The following SNX27 variants were observed in gnomAD, a reference collection of about 807,000 sequenced individuals.
SNX27 encodes sorting nexin-27.
A neutral mutation model predicts 71.6 loss-of-function variants in SNX27; 22 were observed. The observed-to-expected ratio is 0.31, with a 90% confidence interval of 0.22 to 0.44. The LOEUF is 0.44. Ranked by LOEUF, SNX27 falls within the 20% of genes least tolerant of loss-of-function variation. The pLI is 1.00. For missense variants in SNX27, 531 were observed against 698.6 expected (o/e 0.76, Z 2.70); for synonymous variants, 269 against 277.2 (o/e 0.97, Z 0.29).
At position 151,694,752 on chromosome 1, in the gene SNX27, A is replaced by T. The variant is rs975514887; in HGVS notation, c.*335A>T. 2 of 229,588 alleles carry T rather than the reference A, an allele frequency of 8.7e-6. No individual in the cohort carries two copies. The highest frequency in any genetic ancestry group is 1.7e-5 in the Non-Finnish European group (2 of 118,006). 14.2% of individuals were successfully genotyped at this position (229,588 alleles called of 1,614,324 possible). ...GTACTATATTTTTAAAACTGGAACT[A>T]TGAACTTCATCCATTTGCACTGTTC... On this transcript the variant is annotated 3_prime_UTR_variant, in exon 12 of 12. Transcript: ENST00000458013.
intron 1 of SNX27, among the ~76,000 whole-genome samples, chr1:151,633,940 A>G (rs923855044): frequency 9.3e-5 from 14 of 149,880 alleles, no homozygotes; most frequent in African/African-American, 2.4e-4. Flanking sequence ...GTGGACATTC[A>G]ACTACAGTTG....
intron 8 of SNX27, among the ~76,000 whole-genome samples, chr1:151,691,160 A>ATAGTCCCAG (rs1671422617): frequency 6.6e-6 from 1 of 152,070 alleles, no homozygotes; most frequent in Non-Finnish European, 1.5e-5. Flanking sequence ...GTATGTGCCT[A>ATAGTCCCAG]TAGTCCCAGC....
rs1667204535 is a variant in SNX27 at position 151,612,215 on chromosome 1, A to C, written c.14A>C (p.Asp5Ala). Residue 5 changes from aspartate (D) to alanine (A), a missense_variant, in exon 1 of 12, where the codon GAC becomes GCC. This residue lies in a region of SNX27 where 130 missense variants were observed against 143.5 expected (regional missense o/e 0.91). Coordinates refer to ENST00000458013, the MANE Select transcript of SNX27 (RefSeq NM_001330723.2). This position sits in a 1 kb window ranked among gnomAD's most constrained non-coding sequence, Gnocchi z 5.2. MADE[D>A]GEGIHPSAPH... is the part of the protein sequence containing the mutation. ...CCTGCTCGCAAGATGGCGGACGAGG[A>C]CGGGGAAGGGATTCATCCCTCAGCC... is the stretch of plus-strand genomic sequence containing the variant. The C allele has an allele frequency of 1.1e-5, 15 of 1,356,312 alleles. No homozygotes were observed. Among genetic ancestry groups the C allele is most frequent in the Non-Finnish European group, 1.4e-5 (15 of 1,051,640 alleles). The allele number at this position is 1,356,312 out of a possible 1,614,324, so 84.0% of individuals were successfully genotyped here.
intron 1 of SNX27, among the ~76,000 whole-genome samples, chr1:151,623,248 C>T (rs1216146562): frequency 6.6e-6 from 1 of 152,138 alleles, no homozygotes; most frequent in Non-Finnish European, 1.5e-5. Context: ...TCAAGTGATT[C>T]TCCTGACTCA....
intron 8 of SNX27, among the ~76,000 whole-genome samples, chr1:151,684,292 T>C (rs1336117085): frequency 6.6e-6 from 1 of 152,218 alleles, no homozygotes; most frequent in African/African-American, 2.4e-5. Context: ...AAATGCAATT[T>C]AAAATTCAGT....
chr1:151,682,630 G>A (rs1252653296), intron 7 of SNX27, among the ~76,000 whole-genome samples: 1 of 152,186 alleles, frequency 6.6e-6, no homozygotes, highest in Non-Finnish European at 1.5e-5. Flanking sequence ...CATGGCTTGG[G>A]AAAGCCTCAG....
intron 8 of SNX27, among the ~76,000 whole-genome samples, chr1:151,689,659 G>A (rs1385546654): frequency 1.3e-5 from 2 of 152,194 alleles, no homozygotes; most frequent in Non-Finnish European, 2.9e-5. Flanking sequence ...GACATGAGTA[G>A]TACTAGTTTC....
intron 2 of SNX27, among the ~76,000 whole-genome samples, chr1:151,643,363 C>T (rs1217983909): frequency 5.3e-5 from 8 of 151,678 alleles, no homozygotes; most frequent in Admixed American, 2.0e-4. Flanking sequence ...GGTGCGATCT[C>T]GGCTCACTGC....
chr1:151,629,723 G>T (rs182037704), intron 1 of SNX27, among the ~76,000 whole-genome samples: 2 of 150,508 alleles, frequency 1.3e-5, no homozygotes, highest in African/African-American at 4.9e-5. Flanking sequence ...GTCTACATGT[G>T]CGTGCCACCA....
intron 2 of SNX27, among the ~76,000 whole-genome samples, chr1:151,655,094 TAA>T (rs1558056160): frequency 6.6e-6 from 1 of 152,162 alleles, no homozygotes; most frequent in Non-Finnish European, 1.5e-5. Context: ...TACATTTCTT[TAA>T]AGAGTGTTGG....
intron 2 of SNX27, among the ~76,000 whole-genome samples, chr1:151,639,575 C>T (rs1668625504): frequency 6.6e-6 from 1 of 152,196 alleles, no homozygotes; most frequent in African/African-American, 2.4e-5. Context: ...GATGTCTCTA[C>T]TCTTCTTTCC....
chr1:151,662,490 CTT>C, intron 5 of SNX27: 4 of 282,696 alleles, frequency 1.4e-5, no homozygotes, highest in South Asian at 3.9e-5. Flanking sequence ...TTAACGCCTC[CTT>C]TTTTTTTGGA....
At chr1:151,642,710 C>T (rs1668832899) in intron 2 of SNX27, among the ~76,000 whole-genome samples, 1 of 151,976 alleles carries the variant, frequency 6.6e-6, no homozygotes, top group African/African-American at 2.4e-5. Flanking sequence ...GCAATCTTGG[C>T]TCACTGCAAG....
chr1:151,648,420 CT>C (rs2102652606), intron 2 of SNX27, among the ~76,000 whole-genome samples: 1 of 151,410 alleles, frequency 6.6e-6, no homozygotes, highest in South Asian at 2.1e-4. Context: ...CCATTTCTTT[CT>C]TTCTTTCTTT....
intron 1 of SNX27, among the ~76,000 whole-genome samples, chr1:151,628,906 A>C (rs576220769): frequency 3.3e-5 from 5 of 152,010 alleles, no homozygotes; most frequent in Non-Finnish European, 7.4e-5. Flanking sequence ...TGTGTTTTGC[A>C]AATATTTTCT....
At chr1:151,624,578 C>T (rs1050100269) in intron 1 of SNX27, among the ~76,000 whole-genome samples, 1 of 150,914 alleles carries the variant, frequency 6.6e-6, no homozygotes, top group African/African-American at 2.4e-5. Flanking sequence ...ACTATAGGCA[C>T]CTGCCAGCAC....
intron 2 of SNX27, among the ~76,000 whole-genome samples, chr1:151,645,485 A>G (rs747625929): frequency 5.9e-5 from 9 of 152,328 alleles, no homozygotes; most frequent in Non-Finnish European, 8.8e-5. Context: ...ATAAGCTGTA[A>G]GCTGTGTCGC....
At chr1:151,682,243 T>C (rs890788093) in intron 7 of SNX27, among the ~76,000 whole-genome samples, 1 of 152,264 alleles carries the variant, frequency 6.6e-6, no homozygotes, top group African/African-American at 2.4e-5. Context: ...TGTTACTGGA[T>C]GTGTTAGTCC....
intron 1 of SNX27, among the ~76,000 whole-genome samples, chr1:151,620,338 G>C (rs901246946): frequency 1.3e-5 from 2 of 152,154 alleles, no homozygotes; most frequent in African/African-American, 2.4e-5. Flanking sequence ...ACCAGAAGAA[G>C]TTGAATAACT....
Sources: allele counts gnomAD v4.1 joint callset (sites outside exome capture counted in the v4.1 genomes callset), GRCh38; gene constraint gnomAD v4.1.1; regional missense constraint gnomAD v4.1.1; non-coding constraint Gnocchi (gnomAD v3.1); transcripts MANE v1.5; gene names NCBI Gene and HGNC (gene_info 2026-07-23, HGNC 2026-07-21).